The following SLC8A3 variants were observed in gnomAD, a reference collection of about 807,000 sequenced individuals.
SLC8A3 encodes sodium/calcium exchanger 3.
A neutral mutation model predicts 65.4 loss-of-function variants in SLC8A3; 37 were observed. The ratio of observed to expected loss-of-function variants is 0.57; its 90% CI spans 0.44 to 0.74. The LOEUF (loss-of-function observed/expected upper bound fraction) is 0.74, where lower values mean the gene tolerates loss of function less well. Ranked by LOEUF, SLC8A3 falls within the 30% of genes least tolerant of loss-of-function variation. SLC8A3 has a pLI of 0.00. For missense variants in SLC8A3, 1,112 were observed against 1,172.1 expected (o/e 0.95, Z 0.75); for synonymous variants, 461 against 444.5 (o/e 1.04, Z -0.47).
intron 2 of SLC8A3, among the ~76,000 whole-genome samples, chr14:70,087,487 T>C: frequency 6.6e-6 from 1 of 152,234 alleles, no homozygotes; most frequent in East Asian, 1.9e-4. Context: ...TGCCATTTGA[T>C]CTCATTTATC....
At chr14:70,072,256 C>G (rs1170965282) in intron 2 of SLC8A3, among the ~76,000 whole-genome samples, 1 of 152,100 alleles carries the variant, frequency 6.6e-6, no homozygotes, top group Non-Finnish European at 1.5e-5. Context: ...TTACCTGTGG[C>G]TAGAGGGAAA....
At chr14:70,060,812 T>C (rs997045419) in intron 3 of SLC8A3, 24 bp downstream of exon 3, 3 of 1,140,732 alleles carry the variant, frequency 2.6e-6, no homozygotes, top group Non-Finnish European at 3.9e-6. Flanking sequence ...TTTTTTGTTG[T>C]TTTGTTTTTA....
Position 70,045,183 on chromosome 14 carries a change from T to C in SLC8A3, c.*764A>G, listed in dbSNP as rs978382528. The C allele has an allele frequency of 3.9e-5, 6 of 152,176 alleles. No homozygotes were observed. The highest frequency in any genetic ancestry group is 9.7e-5 in the African/African-American group (4 of 41,448). 9.4% of individuals were successfully genotyped at this position (152,176 alleles called of 1,614,324 possible). A position where few individuals can be genotyped will look rare whatever the true frequency, so the allele number is the denominator to read the frequency against. On this transcript the variant is annotated 3_prime_UTR_variant, in exon 7 of 7. Transcript: ENST00000356921. ...GCATAAAAAGCTCCTCCTGCTCCAG[T>C]TGAAGCTCCTGTAAGATCTTTAGTA...
At chr14:70,134,611 C>T (rs1895068097) in intron 2 of SLC8A3, among the ~76,000 whole-genome samples, 1 of 152,220 alleles carries the variant, frequency 6.6e-6, no homozygotes, top group African/African-American at 2.4e-5. Context: ...CTTCTCTTCT[C>T]TCTACTGCTA....
At chr14:70,155,357 T>C (rs1896516596) in intron 2 of SLC8A3, among the ~76,000 whole-genome samples, 1 of 152,186 alleles carries the variant, frequency 6.6e-6, no homozygotes, top group Non-Finnish European at 1.5e-5. Context: ...AACTTCACAT[T>C]GTATCCATTA....
chr14:70,175,763 T>C (rs1345047393), intron 1 of SLC8A3, among the ~76,000 whole-genome samples: 1 of 150,996 alleles, frequency 6.6e-6, no homozygotes, highest in Non-Finnish European at 1.5e-5. Flanking sequence ...GAGAGGCAGT[T>C]TCACTCTGTC....
At chr14:70,065,474 C>T (rs1289087237) in intron 2 of SLC8A3, among the ~76,000 whole-genome samples, 2 of 152,162 alleles carry the variant, frequency 1.3e-5, no homozygotes, top group Non-Finnish European at 1.5e-5. Flanking sequence ...GGCCATGATG[C>T]TCTGGCCTTC....
intron 2 of SLC8A3, among the ~76,000 whole-genome samples, chr14:70,127,314 A>G (rs1485589281): frequency 6.6e-6 from 1 of 152,142 alleles, no homozygotes; most frequent in African/African-American, 2.4e-5. Context: ...GAGTTGGTAA[A>G]GGTCAGATGT....
chr14:70,138,581 G>A (rs1000010568), intron 2 of SLC8A3, among the ~76,000 whole-genome samples: 3 of 152,304 alleles, frequency 2.0e-5, no homozygotes, highest in Admixed American at 6.5e-5. Context: ...TAAGTTCCTG[G>A]AAGGTGTGGA....
At chr14:70,068,954 G>A (rs1003276588) in intron 2 of SLC8A3, among the ~76,000 whole-genome samples, 1 of 152,168 alleles carries the variant, frequency 6.6e-6, no homozygotes. Context: ...TTGGGCTCAA[G>A]CAATCCACTG....
chr14:70,108,467 C>T (rs946150109), intron 2 of SLC8A3, among the ~76,000 whole-genome samples: 9 of 151,846 alleles, frequency 5.9e-5, no homozygotes, highest in Non-Finnish European at 8.8e-5. Context: ...TTCCTCTTTT[C>T]ATTCTTACAA....
intron 1 of SLC8A3, among the ~76,000 whole-genome samples, chr14:70,180,382 T>C (rs1317447034): frequency 6.6e-6 from 1 of 152,212 alleles, no homozygotes; most frequent in Non-Finnish European, 1.5e-5. Flanking sequence ...GGTAGTTCTT[T>C]TGTATAATTA....
At position 70,046,697 on chromosome 14, in the gene SLC8A3, G is replaced by A. The variant is rs1171860539; in HGVS notation, c.2390-374C>T. The A allele has an allele frequency of 1.6e-5, 3 of 189,580 alleles. No individual in the cohort carries two copies. The highest frequency in any genetic ancestry group is 3.3e-5 in the Non-Finnish European group (3 of 90,890). 11.7% of individuals were successfully genotyped at this position (189,580 alleles called of 1,614,324 possible). A position where few individuals can be genotyped will look rare whatever the true frequency, so the allele number is the denominator to read the frequency against. Reference sequence around the variant, plus strand: ...CCCTGGGAAGCTGCTTGGAGTAGATGCCTGATTTTAACTGTCATATGGGGC... The same window carrying A: ...CCCTGGGAAGCTGCTTGGAGTAGATACCTGATTTTAACTGTCATATGGGGC... On this transcript the variant is annotated intron_variant, in intron 6 of 6. Coordinates refer to ENST00000356921, the MANE Select transcript of SLC8A3 (RefSeq NM_182932.3). The surrounding 1 kb of genome is among the most constrained non-coding windows in gnomAD (Gnocchi z 4.2).
intron 2 of SLC8A3, among the ~76,000 whole-genome samples, chr14:70,072,784 A>G (rs8013012): frequency 0.29 from 44,450 of 152,048 alleles, 6,632 homozygotes; most frequent in East Asian, 0.44. Context: ...AGTAGCTGGG[A>G]TTACAGGCAT....
At chr14:70,123,639 A>C (rs2140193279) in intron 2 of SLC8A3, among the ~76,000 whole-genome samples, 1 of 152,182 alleles carries the variant, frequency 6.6e-6, no homozygotes, top group East Asian at 1.9e-4. Flanking sequence ...CAGTAGAGAC[A>C]GGGTTTCACC....
In SLC8A3 at chr14:70,045,940, G is replaced by T. The variant is rs1886710764; in HGVS notation, c.*7C>A. On this transcript the variant is annotated 3_prime_UTR_variant, in exon 7 of 7. Coordinates refer to ENST00000356921, the MANE Select transcript of SLC8A3 (RefSeq NM_182932.3). ...GGCCTGCCCTGCTGGAGGCTCTGTT[G>T]TGTGGCTTAGAACCCCTTGATGTAG... The T allele has an allele frequency of 6.3e-7, 1 of 1,576,404 alleles. No individual in the cohort carries two copies. The highest frequency in any genetic ancestry group is 2.1e-4 in the Middle Eastern group (1 of 4,752).
At chr14:70,171,661 G>A (rs7142779) in intron 1 of SLC8A3, among the ~76,000 whole-genome samples, 8,880 of 152,142 alleles carry the variant, frequency 0.058, 712 homozygotes, top group East Asian at 0.34. Flanking sequence ...TTAGCTGGGC[G>A]TGGTGGTGCA....
chr14:70,080,140 T>A (rs1463678182), intron 2 of SLC8A3: 1 of 985,406 alleles, frequency 1.0e-6, no homozygotes, highest in Non-Finnish European at 1.2e-6. Context: ...GGCTGCCAGT[T>A]ATCGTCTGGA....
chr14:70,102,159 A>G (rs1039042465), intron 2 of SLC8A3, among the ~76,000 whole-genome samples: 1 of 152,206 alleles, frequency 6.6e-6, no homozygotes, highest in African/African-American at 2.4e-5. Context: ...ATGTCAAGAA[A>G]TGTTGCAGTT....
Sources: allele counts gnomAD v4.1 joint callset (sites outside exome capture counted in the v4.1 genomes callset), GRCh38; gene constraint gnomAD v4.1.1; non-coding constraint Gnocchi (gnomAD v3.1); transcripts MANE v1.5; gene names NCBI Gene and HGNC (gene_info 2026-07-23, HGNC 2026-07-21).